MRAP2: variants seen among roughly 807,000 people sequenced by gnomAD.
MRAP2 encodes the protein melanocortin-2 receptor accessory protein 2.
A neutral mutation model predicts 17.4 loss-of-function variants in MRAP2; 20 were observed. The ratio of observed to expected loss-of-function variants is 1.15; its 90% CI spans 0.81 to 1.67. The LOEUF (loss-of-function observed/expected upper bound fraction) is 1.67, where lower values mean the gene tolerates loss of function less well. Among genes scored for constraint, MRAP2 ranks in the 40% most tolerant of loss-of-function variants. The pLI is 0.00. For synonymous variants in MRAP2, 96 were observed against 88.4 expected, an observed-to-expected ratio of 1.09 and a Z score of -0.48; for missense variants, 238 against 240.0, an observed-to-expected ratio of 0.99 and a Z score of 0.05.
At chr6:84,109,709 G>A in the MRAP2 span, among the ~76,000 whole-genome samples, 6 of 151,998 alleles carry the variant, frequency 3.9e-5, no homozygotes, top group East Asian at 1.2e-3. Flanking sequence ...CTATCAACCC[G>A]TCATCTACAT....
At chr6:84,079,168 G>A (rs1297406073) in intron 3 of MRAP2, among the ~76,000 whole-genome samples, 1 of 152,168 alleles carries the variant, frequency 6.6e-6, no homozygotes, top group East Asian at 1.9e-4. Flanking sequence ...ATGTCCTTCA[G>A]CAGGAGAATG....
At chr6:84,107,080 C>A in the MRAP2 span, among the ~76,000 whole-genome samples, 1 of 152,166 alleles carries the variant, frequency 6.6e-6, no homozygotes, top group Non-Finnish European at 1.5e-5. Context: ...TCCACTGAGA[C>A]CTCAAGCACC....
At chr6:84,125,659 TC>T in the MRAP2 span, among the ~76,000 whole-genome samples, 2 of 152,078 alleles carry the variant, frequency 1.3e-5, no homozygotes, top group African/African-American at 4.8e-5. Context: ...TCGCCCCTCT[TC>T]CTCTCCTCTG....
the MRAP2 span, among the ~76,000 whole-genome samples, chr6:84,128,508 G>C: frequency 4.7e-4 from 71 of 152,188 alleles, 1 homozygote; most frequent in East Asian, 0.011. Context: ...AGAGGCAATG[G>C]GTTCTAACGG....
At chr6:84,050,322 C>T (rs2099490114) in intron 1 of MRAP2, among the ~76,000 whole-genome samples, 1 of 152,064 alleles carries the variant, frequency 6.6e-6, no homozygotes, top group African/African-American at 2.4e-5. Flanking sequence ...TAAAGTACTG[C>T]CCTGGGAGGA....
chr6:84,084,613 C>T (rs2099499811), intron 3 of MRAP2, among the ~76,000 whole-genome samples: 1 of 152,074 alleles, frequency 6.6e-6, no homozygotes, highest in Non-Finnish European at 1.5e-5. Context: ...TGTCTTAACA[C>T]CAGCAGAAAA....
chr6:84,118,095 C>G, the MRAP2 span, among the ~76,000 whole-genome samples: 1 of 151,980 alleles, frequency 6.6e-6, no homozygotes. Context: ...ACCCAAACAG[C>G]AAAGGTGGCA....
chr6:84,105,332 C>T, the MRAP2 span, among the ~76,000 whole-genome samples: 1 of 152,176 alleles, frequency 6.6e-6, no homozygotes, highest in African/African-American at 2.4e-5. Flanking sequence ...CTTACAGTTC[C>T]ACGTGGCTGG....
chr6:84,089,102 C>G lies in MRAP2; in HGVS notation c.239C>G (p.Ser80Cys), dbSNP rs1319119045. 9.3e-6 allele frequency: 15 copies of G among 1,612,006 alleles called. No individual in the cohort carries two copies. The highest frequency in any genetic ancestry group is 1.0e-5 in the Non-Finnish European group (12 of 1,179,292). Reference protein sequence around the residue: ...TGAPHQDNAESSEKRFRMNSF... With the variant: ...TGAPHQDNAECSEKRFRMNSF... Reference sequence around the variant, plus strand: ...CTTTTTTTAAATAGCAATGCAGAGTCCTCAGAGAAGAGATTCAGAATGAAC... The same window carrying G: ...CTTTTTTTAAATAGCAATGCAGAGTGCTCAGAGAAGAGATTCAGAATGAAC... The change falls in exon 4 of 4, where the codon TCC becomes TGC. Residue 80 changes from serine (S) to cysteine (C), a missense_variant. Ser to Cys is a moderately radical substitution (Grantham distance 112, BLOSUM62 -1). Coordinates refer to ENST00000257776, the MANE Select transcript of MRAP2 (RefSeq NM_138409.4).
chr6:84,121,786 TG>T, the MRAP2 span, among the ~76,000 whole-genome samples: 2 of 152,142 alleles, frequency 1.3e-5, no homozygotes, highest in East Asian at 1.9e-4. Context: ...CCAAAACCTT[TG>T]GGATACAGCA....
chr6:84,131,150 T>C, the MRAP2 span, among the ~76,000 whole-genome samples: 7 of 152,206 alleles, frequency 4.6e-5, no homozygotes, highest in Non-Finnish European at 8.8e-5. Flanking sequence ...TCAGTTTCCA[T>C]GTAGTTGTGC....
At chr6:84,105,697 G>A in the MRAP2 span, among the ~76,000 whole-genome samples, 2 of 151,994 alleles carry the variant, frequency 1.3e-5, no homozygotes, top group African/African-American at 4.8e-5. Flanking sequence ...ATTTCCCCTT[G>A]GCAGCCTGGA....
chr6:84,130,591 T>C, the MRAP2 span, among the ~76,000 whole-genome samples: 3 of 152,126 alleles, frequency 2.0e-5, no homozygotes, highest in Non-Finnish European at 4.4e-5. Context: ...CTTGGGAGGG[T>C]GTATGTGTCC....
intron 1 of MRAP2, among the ~76,000 whole-genome samples, chr6:84,039,766 T>C (rs2099487048): frequency 6.6e-6 from 1 of 152,194 alleles, no homozygotes; most frequent in African/African-American, 2.4e-5. Flanking sequence ...TAACAATCAC[T>C]GGAAGGCAGA....
chr6:84,042,834 G>T (rs573393339), intron 1 of MRAP2, among the ~76,000 whole-genome samples: 1 of 152,210 alleles, frequency 6.6e-6, no homozygotes, highest in Non-Finnish European at 1.5e-5. Context: ...TCATTAGAAC[G>T]TTCAGCTTTT....
chr6:84,119,709 GTGGT>G, the MRAP2 span, among the ~76,000 whole-genome samples: 3 of 152,274 alleles, frequency 2.0e-5, no homozygotes, highest in South Asian at 6.2e-4. Flanking sequence ...CCTCTTACAA[GTGGT>G]TGATCAGGAG....
the MRAP2 span, among the ~76,000 whole-genome samples, chr6:84,097,318 T>C: frequency 6.6e-6 from 1 of 152,218 alleles, no homozygotes; most frequent in African/African-American, 2.4e-5. Context: ...TTCAGGGCAC[T>C]GTGTTGTCAG....
intron 3 of MRAP2, among the ~76,000 whole-genome samples, chr6:84,074,018 A>C (rs189305253): frequency 1.2e-4 from 19 of 152,228 alleles, no homozygotes; most frequent in Admixed American, 6.5e-4. Flanking sequence ...TAAACACAGA[A>C]GTGAGCAGAC....
chr6:84,102,637 T>C, the MRAP2 span, among the ~76,000 whole-genome samples: 1 of 152,064 alleles, frequency 6.6e-6, no homozygotes, highest in Non-Finnish European at 1.5e-5. Context: ...GCTTGTGTTG[T>C]TTTAAGTCAT....
Sources: allele counts gnomAD v4.1 joint callset (sites outside exome capture counted in the v4.1 genomes callset), GRCh38; gene constraint gnomAD v4.1.1; transcripts MANE v1.5; gene names NCBI Gene and HGNC (gene_info 2026-07-23, HGNC 2026-07-21).